Variants in GBF1 observed in about 807,000 individuals in gnomAD.
GBF1 encodes golgi brefeldin A resistant guanine nucleotide exchange factor 1, also known as Golgi-specific brefeldin A-resistance guanine nucleotide exchange factor 1.
Under a neutral mutation model 210.5 loss-of-function variants are expected in GBF1, and 114 were observed. The observed-to-expected ratio is 0.54, with a 90% CI of 0.47 to 0.63. The LOEUF (loss-of-function observed/expected upper bound fraction) is 0.63. GBF1 is among the 30% of genes least tolerant of loss of function. The pLI, the probability that GBF1 is intolerant of heterozygous loss-of-function variation, is 0.00. For missense variants in GBF1, 1,851 were observed against 2,357.7 expected (o/e 0.79, Z 4.45); for synonymous variants, 850 against 889.2 (o/e 0.96, Z 0.78).
intron 27 of GBF1, 43 bp from the exon 28 acceptor site, chr10:102,370,341 G>A (rs767392455): frequency 1.3e-6 from 2 of 1,518,140 alleles, no homozygotes; most frequent in African/African-American, 1.4e-5. Context: ...CCAGTGGTTG[G>A]CTTCTTTTCC....
chr10:102,320,091 C>T (rs894644195), intron 3 of GBF1, among the ~76,000 whole-genome samples: 1 of 152,106 alleles, frequency 6.6e-6, no homozygotes, highest in East Asian at 1.9e-4. Context: ...CATCCAGTAG[C>T]TTCTAGGAAA....
chr10:102,331,060 A>G (rs1181332824), intron 3 of GBF1, among the ~76,000 whole-genome samples: 1 of 152,152 alleles, frequency 6.6e-6, no homozygotes, highest in Non-Finnish European at 1.5e-5. Flanking sequence ...TACGGAAAGC[A>G]GCCTGCTCTG....
chr10:102,302,608 A>G (rs1026362073), intron 3 of GBF1, among the ~76,000 whole-genome samples: 7 of 152,254 alleles, frequency 4.6e-5, no homozygotes, highest in East Asian at 3.8e-4. Flanking sequence ...CTTAGAATTC[A>G]TCTACTAAGC....
intron 8 of GBF1, among the ~76,000 whole-genome samples, chr10:102,355,314 G>C (rs1408843837): frequency 6.6e-6 from 1 of 152,176 alleles, no homozygotes; most frequent in East Asian, 1.9e-4. Context: ...TTTCATTTGT[G>C]TGCTTGCACA....
chr10:102,341,267 C>T (rs2058165427), intron 3 of GBF1, among the ~76,000 whole-genome samples: 1 of 152,196 alleles, frequency 6.6e-6, no homozygotes. Flanking sequence ...CTATTACATA[C>T]ATACTTGAAT....
chr10:102,350,640 C>T (rs2058892421), intron 4 of GBF1, among the ~76,000 whole-genome samples: 1 of 152,100 alleles, frequency 6.6e-6, no homozygotes, highest in African/African-American at 2.4e-5. Context: ...GTCCCCTGCT[C>T]GGTGGTGTTT....
At chr10:102,381,794 C>T (rs1033811329) in intron 39 of GBF1, among the ~76,000 whole-genome samples, 1 of 118,924 alleles carries the variant, frequency 8.4e-6, no homozygotes, top group Non-Finnish European at 1.6e-5. Context: ...CACTGCACTC[C>T]AACCTGGGTG....
At chr10:102,243,340 G>A (rs1436504715), upstream of GBF1, among the ~76,000 whole-genome samples, 1 of 152,126 alleles carries the variant, frequency 6.6e-6, no homozygotes, top group African/African-American at 2.4e-5. Context: ...ATTTAGGAGG[G>A]TAAGGACCAT....
At chr10:102,232,211 T>C in the GBF1 span, 1 of 656,248 alleles carries the variant, frequency 1.5e-6, no homozygotes, top group South Asian at 1.7e-5. Flanking sequence ...GCCGTAAAGC[T>C]GGGGCTGCGT....
chr10:102,329,945 C>CA (rs1423445803), intron 3 of GBF1, among the ~76,000 whole-genome samples: 1 of 151,924 alleles, frequency 6.6e-6, no homozygotes, highest in Non-Finnish European at 1.5e-5. Context: ...CCCCTATCTA[C>CA]AAAAAATTTA....
chr10:102,230,761 C>G, the GBF1 span: 61 of 1,492,368 alleles, frequency 4.1e-5, no homozygotes, highest in Middle Eastern at 2.0e-4. Flanking sequence ...CCCGGGGGGG[C>G]CCCCGCCCAG....
chr10:102,250,969 C>A (rs762341250), intron 1 of GBF1, among the ~76,000 whole-genome samples: 9 of 148,768 alleles, frequency 6.0e-5, no homozygotes, highest in Non-Finnish European at 1.2e-4. Flanking sequence ...AAACAAACAA[C>A]CAAACAAACA....
At chr10:102,332,894 G>C (rs867316377) in intron 3 of GBF1, among the ~76,000 whole-genome samples, 7 of 152,196 alleles carry the variant, frequency 4.6e-5, no homozygotes, top group African/African-American at 1.7e-4. Context: ...AAAAGAAGCA[G>C]ATCTGAGAAA....
chr10:102,345,620 C>T (rs58922943), intron 4 of GBF1, among the ~76,000 whole-genome samples: 1 of 126,612 alleles, frequency 7.9e-6, no homozygotes, highest in Non-Finnish European at 1.6e-5. Flanking sequence ...GCACTCCAGC[C>T]TGGGTGACAG....
chr10:102,297,751 C>T (rs1029355924), intron 3 of GBF1, among the ~76,000 whole-genome samples: 1 of 152,154 alleles, frequency 6.6e-6, no homozygotes, highest in Non-Finnish European at 1.5e-5. Flanking sequence ...TTGAAGTATA[C>T]TCTGTTTTCC....
chr10:102,343,417 C>T (rs1294653072), intron 3 of GBF1, among the ~76,000 whole-genome samples: 1 of 152,110 alleles, frequency 6.6e-6, no homozygotes, highest in Non-Finnish European at 1.5e-5. Flanking sequence ...GGAAAATTGA[C>T]TCACAATATT....
At chr10:102,369,838 G>A (rs754379308) in intron 25 of GBF1, 23 bp from the exon 26 acceptor site, 2 of 1,614,032 alleles carry the variant, frequency 1.2e-6, no homozygotes, top group Non-Finnish European at 8.5e-7. Context: ...GGGCTCACCA[G>A]GCCATGTGCC....
intron 3 of GBF1, among the ~76,000 whole-genome samples, chr10:102,299,135 T>TA (rs945438256): frequency 6.6e-6 from 1 of 152,208 alleles, no homozygotes; most frequent in Non-Finnish European, 1.5e-5. Context: ...ATGAGGCACT[T>TA]ACCATAAAAT....
At chr10:102,282,632 C>T (rs1230970491) in intron 3 of GBF1, among the ~76,000 whole-genome samples, 1 of 152,166 alleles carries the variant, frequency 6.6e-6, no homozygotes, top group Non-Finnish European at 1.5e-5. Context: ...GCAGAAAATC[C>T]TGAGTTAGCC....
Sources: allele counts gnomAD v4.1 joint callset (sites outside exome capture counted in the v4.1 genomes callset), GRCh38; gene constraint gnomAD v4.1.1; transcripts MANE v1.5; gene names NCBI Gene and HGNC (gene_info 2026-07-23, HGNC 2026-07-21).